Variants in CADPS2 observed in about 807,000 individuals in gnomAD.
CADPS2 encodes calcium-dependent secretion activator 2.
CADPS2 carries 93 observed loss-of-function variants against 172.5 expected under a neutral mutation model. The observed-to-expected ratio is 0.54, with a 90% CI of 0.46 to 0.64. The LOEUF is 0.64. Ranked by LOEUF, CADPS2 falls within the 30% of genes least tolerant of loss-of-function variation. The pLI, the probability that CADPS2 is intolerant of heterozygous loss-of-function variation, is 0.00. For missense variants in CADPS2, 1,420 were observed against 1,565.9 expected (o/e 0.91, Z 1.57); for synonymous variants, 546 against 555.2 (o/e 0.98, Z 0.23).
chr7:122,685,986 C>T (rs1005638467), intron 2 of CADPS2, among the ~76,000 whole-genome samples: 1 of 152,204 alleles, frequency 6.6e-6, no homozygotes, highest in African/African-American at 2.4e-5. Flanking sequence ...AAGTATCCCA[C>T]CAGTATTTGT....
intron 1 of CADPS2, among the ~76,000 whole-genome samples, chr7:122,853,033 A>T (rs1015103426): frequency 6.6e-5 from 10 of 152,234 alleles, no homozygotes; most frequent in Admixed American, 5.2e-4. Context: ...CATTAGGAAA[A>T]TAATGCATGA....
chr7:122,790,178 C>T (rs1047783959), intron 1 of CADPS2, among the ~76,000 whole-genome samples: 1 of 151,722 alleles, frequency 6.6e-6, no homozygotes, highest in African/African-American at 2.4e-5. Context: ...AGGAGGATTG[C>T]TTGAAGACAG....
At position 122,786,588 on chromosome 7, in the gene CADPS2, T is replaced by C. The variant is rs1327436347; in HGVS notation, c.340-49520A>G. ...GTGTTGTAGCCATTGGTGAGATAAA[T>C]ATATGGCACAACCTTTGTGGATAAT... On this transcript the variant is annotated intron_variant, in intron 1 of 29. Transcript: ENST00000449022. Among the ~76,000 whole-genome samples, 3 of 152,324 alleles carry C rather than the reference T, an allele frequency of 2.0e-5. No homozygotes were observed. In the East Asian group the frequency reaches 5.8e-4, roughly 29 times the overall value.
At chr7:122,879,708 T>C (rs1018399245) in intron 1 of CADPS2, among the ~76,000 whole-genome samples, 4 of 152,138 alleles carry the variant, frequency 2.6e-5, no homozygotes, top group Non-Finnish European at 4.4e-5. Flanking sequence ...CCCAGTAATA[T>C]TTTCATTATA....
intron 6 of CADPS2, among the ~76,000 whole-genome samples, chr7:122,589,667 C>T (rs1208558651): frequency 1.3e-5 from 2 of 151,852 alleles, no homozygotes; most frequent in Non-Finnish European, 2.9e-5. Flanking sequence ...GATAAAGAAA[C>T]TTATCTTGGG....
chr7:122,715,264 C>T (rs1249882455), intron 2 of CADPS2, among the ~76,000 whole-genome samples: 1 of 152,054 alleles, frequency 6.6e-6, no homozygotes, highest in African/African-American at 2.4e-5. Flanking sequence ...GATTTTAAGC[C>T]TCTGTTGACT....
intron 2 of CADPS2, among the ~76,000 whole-genome samples, chr7:122,664,629 A>C (rs2080984089): frequency 6.6e-6 from 1 of 152,170 alleles, no homozygotes; most frequent in African/African-American, 2.4e-5. Context: ...AATATTCCTA[A>C]GAATCCTCCA....
Position 122,379,391 on chromosome 7 carries a change from T to C in CADPS2, c.3364A>G (p.Ile1122Val). The C allele has an allele frequency of 6.2e-7, 1 of 1,600,300 alleles. No homozygotes were observed. Among genetic ancestry groups the C allele is most frequent in the South Asian group, 1.1e-5 (1 of 89,902 alleles). ...ACCTTTGAAACTAACAGTGAAATGA[T>C]TTCTTTTACACTGTTGTCGATCAGA... ...DDLIDNSVKE[I>V]ISLLVSKFVS... is the part of the protein sequence containing the mutation. Residue 1122 changes from isoleucine to valine, a missense_variant, in exon 25 of 30, where the codon ATC becomes GTC. Coordinates refer to ENST00000449022, the MANE Select transcript of CADPS2 (RefSeq NM_017954.11).
intron 14 of CADPS2, among the ~76,000 whole-genome samples, chr7:122,464,564 G>A (rs2054889916): frequency 1.3e-5 from 2 of 152,122 alleles, no homozygotes; most frequent in South Asian, 4.1e-4. Context: ...AGAGAAATGT[G>A]ACAAATACTA....
intron 2 of CADPS2, chr7:122,702,429 C>T (rs905627835): frequency 2.5e-6 from 4 of 1,613,750 alleles, no homozygotes; most frequent in Admixed American, 3.3e-5. Flanking sequence ...GTACAGCCTC[C>T]ACGTTCGATG....
At chr7:122,386,973 C>T in intron 24 of CADPS2, 53 bp downstream of exon 24, 1 of 1,527,760 alleles carries the variant, frequency 6.5e-7, no homozygotes, top group Non-Finnish European at 8.8e-7. Flanking sequence ...AAGGGCATTT[C>T]CCATGCCAAG....
Position 122,559,770 on chromosome 7 carries a change from CA to C in CADPS2, c.1336-5082del, listed in dbSNP as rs71161306. 7.5e-3 allele frequency among the ~76,000 whole-genome samples: 639 copies of C among 85,100 alleles called. 2 individuals are homozygous for C. The highest frequency in any genetic ancestry group is 0.022 in the East Asian group (40 of 1,820). 55.8% of individuals were successfully genotyped at this position (85,100 alleles called of 152,430 possible). On this transcript the variant is annotated intron_variant, in intron 7 of 29. Transcript: ENST00000449022. ...TGGGTGACAGTGCGAGACTCCACCT[CA>C]AAAAAAAAAAAAAAAAAAAAAGGAA...
chr7:122,772,038 A>G (rs1164221136), intron 1 of CADPS2, among the ~76,000 whole-genome samples: 3 of 152,194 alleles, frequency 2.0e-5, no homozygotes, highest in Non-Finnish European at 4.4e-5. Context: ...AAGAGATTTC[A>G]TATATTCAGT....
intron 7 of CADPS2, among the ~76,000 whole-genome samples, chr7:122,564,871 AC>A (rs1289212202): frequency 3.3e-5 from 5 of 151,636 alleles, no homozygotes; most frequent in Non-Finnish European, 7.4e-5. Context: ...ACACACACAC[AC>A]ACACAAAACA....
chr7:122,438,818 A>G (rs2050987852), intron 16 of CADPS2, among the ~76,000 whole-genome samples: 1 of 152,160 alleles, frequency 6.6e-6, no homozygotes, highest in African/African-American at 2.4e-5. Flanking sequence ...TTCTCGGGAC[A>G]AATAATAGTT....
chr7:122,830,116 A>T (rs1806096224), intron 1 of CADPS2, among the ~76,000 whole-genome samples: 1 of 152,150 alleles, frequency 6.6e-6, no homozygotes, highest in South Asian at 2.1e-4. Context: ...CCAAGGTGAC[A>T]CGGCAAGTAA....
At chr7:122,824,606 G>T (rs374770355) in intron 1 of CADPS2, among the ~76,000 whole-genome samples, 14 of 152,172 alleles carry the variant, frequency 9.2e-5, no homozygotes, top group African/African-American at 3.4e-4. Context: ...ATTTTTTGAA[G>T]TTCTTTACAA....
intron 6 of CADPS2, among the ~76,000 whole-genome samples, chr7:122,590,527 T>C (rs761129571): frequency 2.6e-5 from 4 of 151,914 alleles, no homozygotes; most frequent in Non-Finnish European, 5.9e-5. Context: ...CTTCTAATGA[T>C]GGACTGTAAG....
At chr7:122,446,398 G>T (rs186467307) in intron 15 of CADPS2, among the ~76,000 whole-genome samples, 1 of 152,030 alleles carries the variant, frequency 6.6e-6, no homozygotes, top group Non-Finnish European at 1.5e-5. Flanking sequence ...TGGCCTATTT[G>T]AATCTTGATT....
Sources: gnomAD v4.1 joint callset for allele counts (sites outside exome capture counted in the v4.1 genomes callset) on GRCh38, gnomAD v4.1.1 for gene constraint, MANE v1.5 for transcripts, NCBI Gene and HGNC (gene_info 2026-07-23, HGNC 2026-07-21) for gene names.